Variants in FAR2 observed in about 807,000 individuals in gnomAD.
FAR2 encodes epididymis secretory protein Li 81.
FAR2 carries 19 observed loss-of-function variants against 56.0 expected under a neutral mutation model. The ratio of observed to expected loss-of-function variants is 0.34; its 90% CI spans 0.24 to 0.50. The LOEUF (loss-of-function observed/expected upper bound fraction) is 0.50, where lower values mean the gene tolerates loss of function less well. FAR2 is among the 20% of genes least tolerant of loss of function. FAR2 has a pLI of 0.98. For missense variants in FAR2, 508 were observed against 642.2 expected (o/e 0.79, Z 2.26); for synonymous variants, 219 against 218.8 (o/e 1.00, Z -0.01).
intron 1 of FAR2, among the ~76,000 whole-genome samples, chr12:29,225,859 G>C (rs905487216): frequency 1.3e-5 from 2 of 152,162 alleles, no homozygotes; most frequent in African/African-American, 4.8e-5. Context: ...CTATGGTTTG[G>C]AAATAACACA....
At chr12:29,270,762 C>T (rs1948604860) in intron 2 of FAR2, 124 bp downstream of exon 2, 1 of 759,952 alleles carries the variant, frequency 1.3e-6, no homozygotes. Context: ...TAGAGGAAGG[C>T]AGACAAAACA....
At position 29,226,021 on chromosome 12, in the gene FAR2, A is replaced by G. The variant is rs545902411; in HGVS notation, c.-38-44391A>G. Among the ~76,000 whole-genome samples, 52 of 152,322 alleles carry G rather than the reference A, an allele frequency of 3.4e-4. 1 individual carries two copies. In the South Asian group the frequency reaches 0.01, roughly 30 times the overall value. On this transcript the variant is annotated intron_variant, in intron 1 of 11. Transcript: ENST00000536681. Reference sequence around the variant, plus strand: ...TCTTTCTCCCAGCAATCAGATGTCAATCAGACTCGTACAAATTACTTAAGC... The same window carrying G: ...TCTTTCTCCCAGCAATCAGATGTCAGTCAGACTCGTACAAATTACTTAAGC...
intron 5 of FAR2, among the ~76,000 whole-genome samples, 155 bp from the exon 6 acceptor site, chr12:29,309,031 T>TTTTGAG (rs1263484138): frequency 2.0e-5 from 3 of 152,194 alleles, no homozygotes; most frequent in Admixed American, 1.3e-4. Context: ...GCTTTGCCAT[T>TTTTGAG]ATCTTTTGAG....
At chr12:29,150,796 G>A (rs1303827150) in intron 1 of FAR2, among the ~76,000 whole-genome samples, 1 of 152,150 alleles carries the variant, frequency 6.6e-6, no homozygotes, top group African/African-American at 2.4e-5. Flanking sequence ...GGCTGCTTCT[G>A]CCCCTGCTGT....
intron 2 of FAR2, among the ~76,000 whole-genome samples, chr12:29,277,166 C>T (rs1242035253): frequency 1.3e-5 from 2 of 151,908 alleles, no homozygotes; most frequent in African/African-American, 4.8e-5. Flanking sequence ...TTAGTAGAGA[C>T]GGGGTTTCAC....
intron 2 of FAR2, among the ~76,000 whole-genome samples, chr12:29,273,488 C>G (rs1186987124): frequency 6.6e-6 from 1 of 152,160 alleles, no homozygotes; most frequent in East Asian, 1.9e-4. Flanking sequence ...GTCTTGGGAC[C>G]AAGCCATCCA....
intron 2 of FAR2, among the ~76,000 whole-genome samples, chr12:29,275,616 C>T (rs945359176): frequency 2.5e-4 from 38 of 152,128 alleles, no homozygotes; most frequent in Non-Finnish European, 4.7e-4. Flanking sequence ...TCGATGGGAG[C>T]CTCCAATCAC....
intron 2 of FAR2, among the ~76,000 whole-genome samples, chr12:29,291,091 A>T (rs1948957740): frequency 6.6e-6 from 1 of 152,184 alleles, no homozygotes. Context: ...GTATAAAAAC[A>T]TCTCATGTAC....
chr12:29,289,009 C>T (rs916572304), intron 2 of FAR2, among the ~76,000 whole-genome samples: 5 of 152,000 alleles, frequency 3.3e-5, no homozygotes, highest in Admixed American at 6.6e-5. Context: ...ATAATGAAAA[C>T]TATAAAACAC....
chr12:29,321,548 A>C (rs1290631145), intron 9 of FAR2, among the ~76,000 whole-genome samples: 1 of 152,210 alleles, frequency 6.6e-6, no homozygotes, highest in Non-Finnish European at 1.5e-5. Context: ...CTTGAGAAAT[A>C]GGTGTTAGAA....
chr12:29,218,106 C>A (rs894783480), intron 1 of FAR2, among the ~76,000 whole-genome samples: 1 of 151,894 alleles, frequency 6.6e-6, no homozygotes, highest in Non-Finnish European at 1.5e-5. Context: ...CCTGTAATCC[C>A]AGCAGTTTGG....
chr12:29,190,592 G>A lies in FAR2; in HGVS notation c.-39+41185G>A, dbSNP rs1451262496. ...GGATTCTCCTGCCTCAGCCTCCTGA[G>A]TAGCTGGGAGTATAGGCGCACACCA... is the stretch of plus-strand genomic sequence containing the variant. On this transcript the variant is annotated intron_variant, in intron 1 of 11. Coordinates refer to ENST00000536681, the MANE Select transcript of FAR2 (RefSeq NM_001271783.2). 2.6e-5 allele frequency among the ~76,000 whole-genome samples: 4 copies of A among 152,104 alleles called. No homozygotes were observed. The East Asian group carries it at 7.7e-4, about 29-fold the overall frequency.
At chr12:29,186,766 ATTTATTTATTTAT>A (rs1565685658) in intron 1 of FAR2, among the ~76,000 whole-genome samples, 6 of 16,666 alleles carry the variant, frequency 3.6e-4, no homozygotes, top group South Asian at 1.4e-3. Flanking sequence ...TTATTTATTT[ATTTATTTATTTAT>A]TTATTTATTT....
intron 1 of FAR2, among the ~76,000 whole-genome samples, chr12:29,178,989 C>T (rs996476803): frequency 6.6e-6 from 1 of 152,130 alleles, no homozygotes; most frequent in African/African-American, 2.4e-5. Flanking sequence ...TGGCCTCTCT[C>T]TCTCTTTGGC....
chr12:29,268,009 G>T (rs1948546835), intron 1 of FAR2, among the ~76,000 whole-genome samples: 1 of 152,192 alleles, frequency 6.6e-6, no homozygotes, highest in African/African-American at 2.4e-5. Context: ...GGAATGGTAG[G>T]TGCTGAAAAA....
intron 4 of FAR2, among the ~76,000 whole-genome samples, 170 bp downstream of exon 4, chr12:29,297,370 A>G (rs1467810337): frequency 6.6e-6 from 1 of 152,218 alleles, no homozygotes; most frequent in Non-Finnish European, 1.5e-5. Context: ...GGTGGGGAAT[A>G]TACTGCTAAA....
At chr12:29,325,242 T>C (rs966775674) in intron 10 of FAR2, among the ~76,000 whole-genome samples, 14 of 152,170 alleles carry the variant, frequency 9.2e-5, no homozygotes, top group Non-Finnish European at 1.5e-4. Flanking sequence ...GCACCCAGAT[T>C]CATAAAGCAA....
intron 1 of FAR2, among the ~76,000 whole-genome samples, chr12:29,241,126 G>A (rs921104911): frequency 2.0e-5 from 3 of 152,118 alleles, no homozygotes; most frequent in African/African-American, 4.8e-5. Flanking sequence ...TTAAAAGCTA[G>A]TATTGAAAGT....
intron 1 of FAR2, among the ~76,000 whole-genome samples, chr12:29,200,060 C>T (rs2136615657): frequency 6.6e-6 from 1 of 152,232 alleles, no homozygotes; most frequent in Non-Finnish European, 1.5e-5. Context: ...GTGACATCAT[C>T]AGTAGTTTCA....
Sources: gnomAD v4.1 joint callset for allele counts (sites outside exome capture counted in the v4.1 genomes callset) on GRCh38, gnomAD v4.1.1 for gene constraint, MANE v1.5 for transcripts, NCBI Gene and HGNC (gene_info 2026-07-23, HGNC 2026-07-21) for gene names.